Variants in ATP2C2 observed in about 807,000 individuals in gnomAD.
ATP2C2 encodes the protein ATPase secretory pathway Ca2+ transporting 2.
ATP2C2 carries 171 observed loss-of-function variants against 110.8 expected under a neutral mutation model. That is an observed-to-expected ratio of 1.54 (90% CI 1.36 to 1.75). ATP2C2 has a LOEUF of 1.75. Ranked by LOEUF, ATP2C2 falls within the 40% of genes most tolerant of loss-of-function variation. The probability of loss-of-function intolerance (pLI) is 0.00; values close to 1 mark genes in which losing one functional copy is unlikely to be tolerated. For synonymous variants in ATP2C2, 804 were observed against 508.4 expected (o/e 1.58, Z -7.82); for missense variants, 1,963 against 1,235.0 (o/e 1.59, Z -8.84).
At chr16:84,390,942 C>G (rs577425516) in intron 1 of ATP2C2, among the ~76,000 whole-genome samples, 2 of 151,846 alleles carry the variant, frequency 1.3e-5, no homozygotes, top group Non-Finnish European at 2.9e-5. Context: ...GTTCAAACCC[C>G]GTCTCTACTA....
chr16:84,444,683 C>T (rs1201449315), intron 15 of ATP2C2, among the ~76,000 whole-genome samples: 1 of 152,204 alleles, frequency 6.6e-6, no homozygotes, highest in Non-Finnish European at 1.5e-5. Context: ...CACCTTGCTT[C>T]CGCCACCAGC....
In ATP2C2 at chr16:84,419,026, T is replaced by G. The variant is rs1907082769; in HGVS notation, c.625-3364T>G. Among the ~76,000 whole-genome samples the G allele has an allele frequency of 2.6e-5, 4 of 151,764 alleles. No individual in the cohort carries two copies. In the South Asian group the frequency reaches 8.3e-4, roughly 32 times the overall value. ...GAGTTGGAGACCAGCCTGGCCAACA[T>G]GGCAAAACCCTGTCTCTACTAAAAA... is the stretch of plus-strand genomic sequence containing the variant. On this transcript the variant is annotated intron_variant, in intron 7 of 26. Transcript: ENST00000262429.
rs1381016938 is a variant in ATP2C2 at position 84,398,614 on chromosome 16, G to C, written c.210+5G>C. 1 of 1,601,412 alleles carries C rather than the reference G, an allele frequency of 6.2e-7. No homozygotes were observed. The highest frequency in any genetic ancestry group is 2.2e-5 in the East Asian group (1 of 44,454). On this transcript the variant is annotated splice_donor_5th_base_variant and intron_variant, in intron 2 of 26. Transcript: ENST00000262429. ...GATTTGGCCAGAGCGTTTTGTGTAAGAATTGAATTTGCATCTGGAGCTAAT... is the reference window on the plus strand; with the variant it reads ...GATTTGGCCAGAGCGTTTTGTGTAACAATTGAATTTGCATCTGGAGCTAAT...
intron 11 of ATP2C2, among the ~76,000 whole-genome samples, chr16:84,433,918 C>T (rs1043175444): frequency 1.3e-5 from 2 of 152,156 alleles, no homozygotes; most frequent in African/African-American, 2.4e-5. Flanking sequence ...CCCGCTTGAT[C>T]CATGCGAGTG....
At chr16:84,385,732 G>C (rs569654421) in intron 1 of ATP2C2, among the ~76,000 whole-genome samples, 24 of 152,294 alleles carry the variant, frequency 1.6e-4, no homozygotes, top group African/African-American at 5.8e-4. Context: ...GAGAATGAAT[G>C]CTGAGCAAAG....
rs367700742 is a variant in ATP2C2, at chr16:84,453,326, C to G, written c.1935C>G (p.Ser645=). Residue 645 remains serine, a synonymous_variant, in exon 20 of 27, where the codon TCC becomes TCG. Transcript: ENST00000262429. ...GELADRVGKV[S]VFFRTSPKHK... is the part of the protein sequence containing the mutation. The stretch of plus-strand genomic sequence containing the variant: ...TTCCCCGTCTCCGTGTCCAGGTGTC[C>G]GTGTTCTTCAGGACCAGCCCAAAGC... 6.2e-7 allele frequency: 1 copy of G among 1,614,138 alleles called. No individual in the cohort carries two copies. Among genetic ancestry groups the G allele is most frequent in the Non-Finnish European group, 8.5e-7 (1 of 1,180,018 alleles).
intron 1 of ATP2C2, among the ~76,000 whole-genome samples, chr16:84,392,958 C>T (rs988705606): frequency 2.0e-5 from 3 of 152,296 alleles, no homozygotes; most frequent in East Asian, 1.9e-4. Context: ...TGCCTGACAG[C>T]GTAGGTGCAT....
At position 84,463,857 on chromosome 16, in the gene ATP2C2, T is replaced by TC. The variant is rs1911654833; in HGVS notation, c.*127dup. The TC allele has an allele frequency of 3.4e-6, 3 of 873,834 alleles. No individual in the cohort carries two copies. Among genetic ancestry groups the TC allele is most frequent in the Non-Finnish European group, 5.4e-6 (3 of 553,258 alleles). 54.1% of individuals were successfully genotyped at this position (873,834 alleles called of 1,614,324 possible). A position where few individuals can be genotyped will look rare whatever the true frequency, so the allele number is the denominator to read the frequency against. On this transcript the variant is annotated 3_prime_UTR_variant, in exon 27 of 27. Coordinates refer to ENST00000262429, the MANE Select transcript of ATP2C2 (RefSeq NM_014861.4). ...AGCCTTCCATCACCGGATCAGTTTT[T>TC]CCTCTTAGGAAAGCTGCAGGAACCT... is the stretch of plus-strand genomic sequence containing the variant.
intron 18 of ATP2C2, among the ~76,000 whole-genome samples, chr16:84,452,699 G>A (rs1291105552): frequency 2.0e-5 from 3 of 151,988 alleles, no homozygotes; most frequent in African/African-American, 7.2e-5. Flanking sequence ...GGGTTTCACT[G>A]TGTTGCCCAG....
At chr16:84,417,660 G>C (rs999844512) in intron 7 of ATP2C2, among the ~76,000 whole-genome samples, 33 of 152,194 alleles carry the variant, frequency 2.2e-4, no homozygotes, top group African/African-American at 7.7e-4. Context: ...GGGCAGCCAA[G>C]GCGAGTGGAT....
At chr16:84,403,424 G>C (rs1905474528) in intron 2 of ATP2C2, among the ~76,000 whole-genome samples, 1 of 152,076 alleles carries the variant, frequency 6.6e-6, no homozygotes, top group South Asian at 2.1e-4. Context: ...TCCTGCCTCA[G>C]CCTCCTGAGT....
At chr16:84,441,053 T>C (rs1282957717) in intron 14 of ATP2C2, 95 bp downstream of exon 14, 1 of 1,086,376 alleles carries the variant, frequency 9.2e-7, no homozygotes, top group Non-Finnish European at 1.4e-6. Flanking sequence ...AACCTACTGG[T>C]TCTTGACAAT....
rs533777907 is a variant in ATP2C2, at chr16:84,422,497, C to T, written c.732C>T (p.Asn244=). 2 of 1,614,152 alleles carry T rather than the reference C, an allele frequency of 1.2e-6. No individual in the cohort carries two copies. The highest frequency in any genetic ancestry group is 8.5e-7 in the Non-Finnish European group (1 of 1,180,036). ...GTGGGGACCTCACCACCCTCAGCAACATCGTCTTCATGGGGACCCTGGTGC... is the reference window on the plus strand; with the variant it reads ...GTGGGGACCTCACCACCCTCAGCAATATCGTCTTCATGGGGACCCTGGTGC... The part of the protein sequence containing the change: ...TGGGDLTTLS[N]IVFMGTLVQY... The change falls in exon 8 of 27, where the codon AAC becomes AAT. Residue 244 remains asparagine (N), a synonymous_variant. Transcript: ENST00000262429.
intron 11 of ATP2C2, among the ~76,000 whole-genome samples, chr16:84,437,433 A>G (rs1258237226): frequency 6.6e-6 from 1 of 151,870 alleles, no homozygotes; most frequent in East Asian, 1.9e-4. Flanking sequence ...CTAGTCTTGA[A>G]CTCTTGAGCT....
rs923742957 is a variant in ATP2C2, at chr16:84,429,238, A to G, written c.986+3437A>G. On this transcript the variant is annotated intron_variant, in intron 11 of 26. Transcript: ENST00000262429. ...ACGATCTTGGCTCACTGCAATCTCCATCTCCCAGGTTCATGCAATTCTCCT... is the reference window on the plus strand; with the variant it reads ...ACGATCTTGGCTCACTGCAATCTCCGTCTCCCAGGTTCATGCAATTCTCCT... Among the ~76,000 whole-genome samples the G allele has an allele frequency of 2.0e-5, 3 of 152,066 alleles. No individual in the cohort carries two copies. The South Asian group carries it at 6.2e-4, about 32-fold the overall frequency.
At chr16:84,453,676 G>C (rs528564511) in intron 20 of ATP2C2, among the ~76,000 whole-genome samples, 10 of 152,268 alleles carry the variant, frequency 6.6e-5, no homozygotes, top group Admixed American at 3.3e-4. Context: ...AGGGGATGCT[G>C]GGAAGTGTCA....
chr16:84,424,380 C>T (rs553362006), intron 10 of ATP2C2, among the ~76,000 whole-genome samples: 1 of 152,180 alleles, frequency 6.6e-6, no homozygotes, highest in East Asian at 1.9e-4. Context: ...CTGGGTTAAC[C>T]AATTCTCCTG....
intron 11 of ATP2C2, among the ~76,000 whole-genome samples, chr16:84,435,832 A>T (rs924143489): frequency 3.9e-5 from 6 of 152,010 alleles, no homozygotes; most frequent in African/African-American, 1.2e-4. Flanking sequence ...GCCTCAAAAA[A>T]AAAAATAAAA....
chr16:84,403,794 G>A (rs536946602), intron 2 of ATP2C2, among the ~76,000 whole-genome samples: 1 of 151,100 alleles, frequency 6.6e-6, no homozygotes, highest in African/African-American at 2.4e-5. Context: ...AGCTTCAAGC[G>A]ATTCTCCTGC....
Sources: gnomAD v4.1 joint callset for allele counts (sites outside exome capture counted in the v4.1 genomes callset) on GRCh38, gnomAD v4.1.1 for gene constraint, MANE v1.5 for transcripts, NCBI Gene and HGNC (gene_info 2026-07-23, HGNC 2026-07-21) for gene names.